Variants in AVEN observed in about 807,000 individuals in gnomAD.
AVEN encodes cell death regulator Aven.
A neutral mutation model predicts 38.1 loss-of-function variants in AVEN; 41 were observed. The observed-to-expected ratio is 1.08, with a 90% CI of 0.84 to 1.40. The LOEUF (loss-of-function observed/expected upper bound fraction) is 1.40, where lower values mean the gene tolerates loss of function less well. Among genes scored for constraint, AVEN ranks in the 40% most tolerant of loss-of-function variants. AVEN has a pLI of 0.00. For synonymous variants in AVEN, 206 were observed against 171.8 expected (o/e 1.20, Z -1.56); for missense variants, 605 against 438.8 (o/e 1.38, Z -3.38).
At chr15:34,047,054 T>C (rs1899720315) in intron 5 of AVEN, among the ~76,000 whole-genome samples, 1 of 148,196 alleles carries the variant, frequency 6.7e-6, no homozygotes, top group East Asian at 2.0e-4. Flanking sequence ...AGGGCTTTTT[T>C]GTTTTGGTTT....
chr15:34,040,170 CAAA>C, upstream of AVEN, among the ~76,000 whole-genome samples: 1 of 147,710 alleles, frequency 6.8e-6, no homozygotes, highest in South Asian at 2.1e-4. Flanking sequence ...AAAACAAAAA[CAAA>C]AAAAAAACCT....
chr15:34,038,860 G>A lies in AVEN; in HGVS notation c.187C>T (p.Arg63Cys). ...GCGCCTCCTCCTCCTCGGCCTCCGC[G>A]AGCGCCGCGGAAGCCCCGGCCACGG... is the stretch of plus-strand genomic sequence containing the variant. The part of the protein sequence containing the change: ...RGRGRGFRGA[R>C]GGRGGGGAPR... Residue 63 changes from arginine to cysteine, a missense_variant, in exon 1 of 6, where the codon CGC becomes TGC. Coordinates refer to ENST00000306730, the MANE Select transcript of AVEN (RefSeq NM_020371.3). The A allele has an allele frequency of 1.7e-6, 2 of 1,156,396 alleles. No individual in the cohort carries two copies. Among genetic ancestry groups the A allele is most frequent in the Non-Finnish European group, 2.1e-6 (2 of 943,356 alleles). The allele number at this position is 1,156,396 out of a possible 1,614,324, so 71.6% of individuals were successfully genotyped here.
At chr15:33,914,269 G>C (rs889215626) in intron 2 of AVEN, among the ~76,000 whole-genome samples, 1 of 152,038 alleles carries the variant, frequency 6.6e-6, no homozygotes, top group African/African-American at 2.4e-5. Context: ...CACTGAAAAG[G>C]AAGAGCCATG....
chr15:33,953,127 G>A (rs1040874217), intron 2 of AVEN, among the ~76,000 whole-genome samples: 6 of 152,056 alleles, frequency 3.9e-5, no homozygotes, highest in African/African-American at 1.2e-4. Flanking sequence ...ACTGCTCTAC[G>A]AAATAAAGAG....
At chr15:33,866,853 T>TTG in intron 5 of AVEN, 125 bp from the exon 6 acceptor site, 1 of 689,722 alleles carries the variant, frequency 1.4e-6, no homozygotes, top group Non-Finnish European at 2.4e-6. Context: ...CTCCCTAAGA[T>TTG]GATACAGTAA....
intron 2 of AVEN, among the ~76,000 whole-genome samples, chr15:33,957,934 T>C (rs1895018063): frequency 6.6e-6 from 1 of 152,126 alleles, no homozygotes; most frequent in Non-Finnish European, 1.5e-5. Flanking sequence ...CACTTGGGAA[T>C]TGTTAGAAAG....
intron 2 of AVEN, among the ~76,000 whole-genome samples, chr15:33,896,153 C>T (rs1311910035): frequency 6.6e-6 from 1 of 152,082 alleles, no homozygotes; most frequent in Admixed American, 6.6e-5. Context: ...TATAGGAATA[C>T]AAAATTATGA....
chr15:33,852,845 C>G, the AVEN span: 1 of 514,130 alleles, frequency 1.9e-6, no homozygotes, highest in Admixed American at 3.7e-5. Flanking sequence ...GTTTCAAAAG[C>G]CAATACAAAG....
rs1360152982 is a variant in AVEN, at chr15:34,064,047, C to G, written n.1127-615G>C. ...CAAAGAGAGGAAAGCAGCCCAGACA[C>G]TGAGTGCCATTCTCCTGGCCTTCAT... On this transcript the variant is annotated intron_variant and non_coding_transcript_variant, in intron 4 of 11. Transcript: ENST00000675287. The G allele has an allele frequency of 1.2e-6, 2 of 1,614,198 alleles. No individual in the cohort carries two copies. Among genetic ancestry groups the G allele is most frequent in the Admixed American group, 3.3e-5 (2 of 60,020 alleles).
At chr15:33,930,812 G>C (rs936720378) in intron 2 of AVEN, among the ~76,000 whole-genome samples, 1 of 151,958 alleles carries the variant, frequency 6.6e-6, no homozygotes, top group Non-Finnish European at 1.5e-5. Flanking sequence ...AAAATTAACC[G>C]GGTGTGGTGG....
chr15:34,068,781 TA>T (rs1285601789), intron 2 of AVEN, among the ~76,000 whole-genome samples: 1 of 151,644 alleles, frequency 6.6e-6, no homozygotes, highest in Non-Finnish European at 1.5e-5. Flanking sequence ...TCTTTCATGA[TA>T]TAGTCATCTT....
chr15:34,055,300 C>T (rs894843380), intron 5 of AVEN, among the ~76,000 whole-genome samples: 3 of 151,748 alleles, frequency 2.0e-5, no homozygotes, highest in African/African-American at 4.8e-5. Context: ...GAGTTTGAGA[C>T]CAGCCTGGCC....
At chr15:33,929,572 TC>T (rs1893760377) in intron 2 of AVEN, among the ~76,000 whole-genome samples, 1 of 152,212 alleles carries the variant, frequency 6.6e-6, no homozygotes, top group African/African-American at 2.4e-5. Context: ...CATCGGACTT[TC>T]AACTGTTTAA....
chr15:33,865,250 A>C, downstream of AVEN: 1 of 1,534,652 alleles, frequency 6.5e-7, no homozygotes, highest in Non-Finnish European at 9.0e-7. Context: ...AAGCGCGACA[A>C]TTCTGGACAG....
chr15:33,857,732 G>T (rs1476708168), downstream of AVEN: 2 of 1,610,156 alleles, frequency 1.2e-6, no homozygotes, highest in South Asian at 1.1e-5. Flanking sequence ...ACCTTTCAAG[G>T]TAGAGAAGAC....
chr15:34,034,575 G>A (rs2140776779), intron 1 of AVEN, among the ~76,000 whole-genome samples: 1 of 151,996 alleles, frequency 6.6e-6, no homozygotes. Flanking sequence ...AAAAATGTTA[G>A]ATATAAACTT....
the AVEN span, chr15:33,853,106 G>C: frequency 6.4e-7 from 1 of 1,570,032 alleles, no homozygotes; most frequent in Admixed American, 1.9e-5. Context: ...TGTTAGTGGG[G>C]GTGAGTTCCG....
intron 2 of AVEN, among the ~76,000 whole-genome samples, chr15:33,994,056 CA>C (rs1896836312): frequency 6.6e-6 from 1 of 152,204 alleles, no homozygotes; most frequent in African/African-American, 2.4e-5. Context: ...TTCTCTAGAA[CA>C]GGGGGTCCCC....
At chr15:33,934,417 G>C (rs1430678964) in intron 2 of AVEN, among the ~76,000 whole-genome samples, 1 of 152,184 alleles carries the variant, frequency 6.6e-6, no homozygotes, top group Non-Finnish European at 1.5e-5. Context: ...ACCAAAAGAA[G>C]AGAAAAGAAT....
Sources: gnomAD v4.1 joint callset for allele counts (sites outside exome capture counted in the v4.1 genomes callset) on GRCh38, gnomAD v4.1.1 for gene constraint, MANE v1.5 for transcripts, NCBI Gene and HGNC (gene_info 2026-07-23, HGNC 2026-07-21) for gene names.